Variants in PC observed in about 807,000 individuals in gnomAD.
PC encodes pyruvate carboxylase, also known as pyruvate carboxylase, mitochondrial.
Under a neutral mutation model 107.8 loss-of-function variants are expected in PC, and 46 were observed. The ratio of observed to expected loss-of-function variants is 0.43; its 90% confidence interval spans 0.34 to 0.55. The LOEUF (loss-of-function observed/expected upper bound fraction) is 0.55. Ranked by LOEUF, PC falls within the 20% of genes least tolerant of loss-of-function variation. PC has a pLI of 0.04. For missense variants in PC, 1,241 were observed against 1,643.1 expected, an observed-to-expected ratio of 0.76 and a Z score of 4.23; for synonymous variants, 662 against 684.7, an observed-to-expected ratio of 0.97 and a Z score of 0.52.
intron 3 of PC, among the ~76,000 whole-genome samples, chr11:66,877,205 G>A (rs1347534663): frequency 6.6e-6 from 1 of 152,204 alleles, no homozygotes; most frequent in Admixed American, 6.5e-5. Context: ...GGCCAACATG[G>A]TGAATCCCCG....
chr11:66,903,201 T>A (rs1948024252), intron 3 of PC, among the ~76,000 whole-genome samples: 1 of 152,174 alleles, frequency 6.6e-6, no homozygotes, highest in Non-Finnish European at 1.5e-5. Context: ...GCCTTTCCCA[T>A]CTTCTTAGTC....
At position 66,848,838 on chromosome 11, in the gene PC, C is replaced by T. The variant is rs529333395; in HGVS notation, c.*61G>A. The stretch of plus-strand genomic sequence containing the variant: ...CGGGCACTGGCTGGCCTGGGCCTGC[C>T]GTGGCAGCACAGCTTCTGTTGAAGG... On this transcript the variant is annotated 3_prime_UTR_variant, in exon 23 of 23. Transcript: ENST00000393960. The T allele has an allele frequency of 2.7e-5, 43 of 1,610,202 alleles. No homozygotes were observed. In the African/African-American group the frequency reaches 4.3e-4, roughly 16 times the overall value.
intron 12 of PC, chr11:66,860,380 C>T (rs1565230147): frequency 2.3e-6 from 2 of 867,388 alleles, no homozygotes; most frequent in Non-Finnish European, 3.7e-6. Flanking sequence ...AAGGGCAGGC[C>T]CCTCCAACAG....
intron 3 of PC, among the ~76,000 whole-genome samples, chr11:66,937,467 T>C (rs1047445679): frequency 3.6e-5 from 5 of 139,800 alleles, no homozygotes; most frequent in East Asian, 4.3e-4. Flanking sequence ...TTCATCCTCA[T>C]TGGAGTTCAC....
At chr11:66,935,774 G>A (rs1565297427) in intron 3 of PC, among the ~76,000 whole-genome samples, 1 of 152,116 alleles carries the variant, frequency 6.6e-6, no homozygotes, top group African/African-American at 2.4e-5. Flanking sequence ...ACCATAACCA[G>A]TTCCAGGGAA....
chr11:66,910,626 T>A (rs1948309308), intron 3 of PC, among the ~76,000 whole-genome samples: 1 of 152,136 alleles, frequency 6.6e-6, no homozygotes, highest in African/African-American at 2.4e-5. Flanking sequence ...CAAATTAGCA[T>A]CCACCCCCAG....
intron 3 of PC, among the ~76,000 whole-genome samples, chr11:66,924,129 G>C (rs1415741265): frequency 6.6e-6 from 1 of 150,512 alleles, no homozygotes; most frequent in Non-Finnish European, 1.5e-5. Flanking sequence ...TTGAACCCAG[G>C]AGGCAGAGGC....
At chr11:66,951,914 T>C (rs1354547783) in intron 3 of PC, among the ~76,000 whole-genome samples, 3 of 151,422 alleles carry the variant, frequency 2.0e-5, no homozygotes, top group Non-Finnish European at 4.4e-5. Context: ...AAAAAAAAAC[T>C]TAGCCAGGTG....
Position 66,848,769 on chromosome 11 carries a change from G to A in PC, c.*130C>T, listed in dbSNP as rs576080997. On this transcript the variant is annotated 3_prime_UTR_variant, in exon 23 of 23. Coordinates refer to ENST00000393960, the MANE Select transcript of PC (RefSeq NM_001040716.2). ...AACCACCGCAGGCGGTGTCTCTCCT[G>A]TCCAGCTGTGGACAGGACCTCCACG... 1.7e-6 allele frequency: 2 copies of A among 1,146,200 alleles called. No homozygotes were observed. Among genetic ancestry groups the A allele is most frequent in the East Asian group, 2.4e-5 (1 of 41,148 alleles). 71.0% of individuals were successfully genotyped at this position (1,146,200 alleles called of 1,614,324 possible). A position where few individuals can be genotyped will look rare whatever the true frequency, so the allele number is the denominator to read the frequency against.
intron 3 of PC, among the ~76,000 whole-genome samples, chr11:66,918,512 A>G (rs1948515913): frequency 6.6e-6 from 1 of 151,768 alleles, no homozygotes; most frequent in Admixed American, 6.6e-5. Context: ...AGCTGGGATT[A>G]CATGCACGCG....
At chr11:66,862,478 G>A (rs1446798773) in intron 12 of PC, among the ~76,000 whole-genome samples, 1 of 152,234 alleles carries the variant, frequency 6.6e-6, no homozygotes, top group African/African-American at 2.4e-5. Flanking sequence ...TGACAGGCAG[G>A]GCTGGAAGAA....
chr11:66,957,557 A>C (rs1949596329), intron 1 of PC, among the ~76,000 whole-genome samples: 2 of 152,214 alleles, frequency 1.3e-5, no homozygotes. Flanking sequence ...TCGAGACTGC[A>C]GTGAGCCGAG....
Position 66,850,302 on chromosome 11 carries a change from T to C in PC, c.2636A>G (p.His879Arg), listed in dbSNP as rs776202174. The part of the protein sequence containing the change: ...GQYTNLHFQA[H>R]SMGLGSKFKE... ...GAACTTGGAGCCAAGCCCCATGCTG[T>C]GGGCCTGGAAGTGCAGGTTGGTGTA... Residue 879 changes from histidine to arginine, a missense_variant, in exon 19 of 23, where the codon CAC becomes CGC. This residue lies in a region of PC where 1,143 missense variants were observed against 1,551.9 expected (regional missense o/e 0.74). Transcript: ENST00000393960. 2.5e-6 allele frequency: 4 copies of C among 1,614,076 alleles called. No homozygotes were observed. Among genetic ancestry groups the C allele is most frequent in the Non-Finnish European group, 1.7e-6 (2 of 1,180,006 alleles).
At chr11:66,864,058 A>C (rs1591171195) in intron 11 of PC, 102 bp from the exon 12 acceptor site, 1 of 1,164,644 alleles carries the variant, frequency 8.6e-7, no homozygotes, top group East Asian at 2.4e-5. Flanking sequence ...AGCTGCTGAG[A>C]GCAGAGCGTG....
intron 3 of PC, among the ~76,000 whole-genome samples, chr11:66,875,650 C>T (rs183910726): frequency 5.9e-5 from 9 of 151,962 alleles, no homozygotes; most frequent in East Asian, 3.9e-4. Flanking sequence ...GGATGGGGCG[C>T]GAGTTGGGCA....
intron 3 of PC, among the ~76,000 whole-genome samples, chr11:66,879,288 G>A (rs1482246922): frequency 1.3e-5 from 2 of 152,242 alleles, no homozygotes; most frequent in Non-Finnish European, 2.9e-5. Context: ...CACTGCATAG[G>A]GGAGCCAGCA....
At chr11:66,953,408 G>C (rs1243547833) in intron 2 of PC, among the ~76,000 whole-genome samples, 1 of 152,104 alleles carries the variant, frequency 6.6e-6, no homozygotes, top group African/African-American at 2.4e-5. Flanking sequence ...TTCCTGCAGA[G>C]ACCCCTCTCT....
chr11:66,926,479 G>A (rs1318913667), intron 3 of PC, among the ~76,000 whole-genome samples: 1 of 152,182 alleles, frequency 6.6e-6, no homozygotes, highest in Admixed American at 6.5e-5. Flanking sequence ...AATAAGCCAA[G>A]TATTCAACAG....
intron 12 of PC, among the ~76,000 whole-genome samples, chr11:66,862,915 T>C (rs1451419933): frequency 6.6e-6 from 1 of 152,220 alleles, no homozygotes; most frequent in Non-Finnish European, 1.5e-5. Context: ...CTGAAGCACC[T>C]GACACTGTGT....
Sources: allele counts gnomAD v4.1 joint callset (sites outside exome capture counted in the v4.1 genomes callset), GRCh38; gene constraint gnomAD v4.1.1; regional missense constraint gnomAD v4.1.1; transcripts MANE v1.5; gene names NCBI Gene and HGNC (gene_info 2026-07-23, HGNC 2026-07-21).